Variants in TFEB observed in about 807,000 individuals in gnomAD.
The protein encoded by TFEB is transcription factor EB.
In TFEB, 12 loss-of-function variants were observed where a neutral mutation model predicts 48.0. That is an observed-to-expected ratio of 0.25 (90% CI 0.16 to 0.40). The LOEUF (loss-of-function observed/expected upper bound fraction) is 0.40, where lower values mean the gene tolerates loss of function less well. Ranked by LOEUF, TFEB falls within the 10% of genes least tolerant of loss-of-function variation. The probability of loss-of-function intolerance (pLI) is 1.00; values close to 1 mark genes in which losing one functional copy is unlikely to be tolerated. For missense variants in TFEB, 509 were observed against 640.3 expected (o/e 0.79, Z 2.21); for synonymous variants, 244 against 261.4 (o/e 0.93, Z 0.64).
At chr6:41,687,652 A>G (rs1769079130) in intron 6 of TFEB, 101 bp downstream of exon 6, 1 of 1,470,052 alleles carries the variant, frequency 6.8e-7, no homozygotes, top group African/African-American at 1.4e-5. Flanking sequence ...GGCCTTGAGC[A>G]GGGAAGCCTT....
In TFEB at chr6:41,690,754, C is replaced by A; in HGVS notation, c.377G>T (p.Arg126Leu). ...GGAGGAGGACAGCACGTGTCCAGCT[C>A]GCACCCCTGGGGAGGCGGCTGGTGG... ...KPPPAASPGV[R>L]AGHVLSSSAG... Residue 126 changes from arginine (R) to leucine (L), a missense_variant, in exon 3 of 9, where the codon CGA becomes CTA. Around this residue, in one of 4 missense-constraint regions of TFEB, gnomAD observed 251 missense variants for 317.2 expected, o/e 0.79. Coordinates refer to ENST00000373033, the MANE Select transcript of TFEB (RefSeq NM_001271944.2). The A allele has an allele frequency of 6.2e-7, 1 of 1,606,676 alleles. No homozygotes were observed. Among genetic ancestry groups the A allele is most frequent in the Non-Finnish European group, 8.5e-7 (1 of 1,175,444 alleles).
chr6:41,690,974 T>C (rs1348180832), intron 2 of TFEB, 27 bp downstream of exon 2: 1 of 1,526,066 alleles, frequency 6.6e-7, no homozygotes, highest in African/African-American at 1.5e-5. Context: ...GGGGACAGGG[T>C]GGGGGGCAGG....
In TFEB at chr6:41,702,257, C is replaced by T. The variant is rs530552834; in HGVS notation, c.-22-11022G>A. ...GATGCTTTTTGCTAAATAGCCAAGA[C>T]ATCCATGCCCAGGAGGCTCAGAGGG... is the stretch of plus-strand genomic sequence containing the variant. On this transcript the variant is annotated intron_variant, in intron 1 of 8. Coordinates refer to ENST00000373033, the MANE Select transcript of TFEB (RefSeq NM_001271944.2). 2.0e-4 allele frequency among the ~76,000 whole-genome samples: 31 copies of T among 152,318 alleles called. No homozygotes were observed. In the East Asian group the frequency reaches 5.2e-3, roughly 26 times the overall value.
intron 1 of TFEB, among the ~76,000 whole-genome samples, chr6:41,711,285 C>T (rs1268388810): frequency 1.3e-5 from 2 of 152,234 alleles, no homozygotes; most frequent in Non-Finnish European, 2.9e-5. Context: ...TCCTTGAGGG[C>T]TGTCCCTTGG....
intron 4 of TFEB, among the ~76,000 whole-genome samples, chr6:41,688,908 T>G (rs905299751): frequency 6.6e-6 from 1 of 152,212 alleles, no homozygotes. Context: ...GAAAGGCTCA[T>G]GCCCAAAGGC....
At chr6:41,736,212 T>A, upstream of TFEB, 1 of 1,612,338 alleles carries the variant, frequency 6.2e-7, no homozygotes, top group Non-Finnish European at 8.5e-7. Flanking sequence ...CACCTTCCCT[T>A]GTTGGAAGTT....
chr6:41,696,396 G>A (rs1229241636), intron 1 of TFEB, among the ~76,000 whole-genome samples: 1 of 152,142 alleles, frequency 6.6e-6, no homozygotes, highest in Non-Finnish European at 1.5e-5. Context: ...AAGAAAGATA[G>A]ATAAAGAAGT....
At chr6:41,725,716 G>A (rs1002116861) in intron 1 of TFEB, among the ~76,000 whole-genome samples, 5 of 152,022 alleles carry the variant, frequency 3.3e-5, no homozygotes, top group South Asian at 2.1e-4. Context: ...TATATACCCC[G>A]ATGCATGAAT....
intron 4 of TFEB, chr6:41,688,320 T>G (rs1769123060): frequency 3.1e-6 from 1 of 327,074 alleles, no homozygotes; most frequent in Admixed American, 4.4e-5. Flanking sequence ...CTAGAGCAGG[T>G]CATCTAATCA....
Position 41,734,309 on chromosome 6 carries a change from T to C in TFEB, c.-23+1041A>G. The C allele has an allele frequency of 2.0e-6, 2 of 981,988 alleles. No individual in the cohort carries two copies. The highest frequency in any genetic ancestry group is 4.7e-5 in the South Asian group (1 of 21,202). The allele number at this position is 981,988 out of a possible 1,614,324, so 60.8% of individuals were successfully genotyped here. On this transcript the variant is annotated intron_variant, in intron 1 of 8. Coordinates refer to ENST00000373033, the MANE Select transcript of TFEB (RefSeq NM_001271944.2). The surrounding 1 kb of genome is among the most constrained non-coding windows in gnomAD (Gnocchi z 4.0). ...CCCCGCCCCGGGCTCCCTCCCTTCC[T>C]CACCCGGGGCGCGGGGCTGGGGCGC...
chr6:41,714,816 G>T (rs541200764), intron 1 of TFEB, among the ~76,000 whole-genome samples: 1 of 152,138 alleles, frequency 6.6e-6, no homozygotes. Context: ...AGCCCTCAGG[G>T]AATCCAGTGA....
Position 41,691,098 on chromosome 6 carries a change from T to C in TFEB, c.116A>G (p.Gln39Arg). ...CCCTCCGAGCTGCTGCTGTTGCTGC[T>C]GCTGCTGCTGCTGCATGTAATGCAT... is the stretch of plus-strand genomic sequence containing the variant. ...AVMHYMQQQQ[Q>R]QQQQQLGGPP... Residue 39 changes from glutamine (Q) to arginine (R), a missense_variant, in exon 2 of 9, where the codon CAG (glutamine) becomes CGG (arginine). By Grantham distance (43) the Gln-to-Arg change is conservative. Transcript: ENST00000373033. The surrounding 1 kb of genome is among the most constrained non-coding windows in gnomAD (Gnocchi z 5.2). The C allele has an allele frequency of 6.3e-7, 1 of 1,578,024 alleles. No individual in the cohort carries two copies. Among genetic ancestry groups the C allele is most frequent in the Middle Eastern group, 1.7e-4 (1 of 5,980 alleles).
intron 4 of TFEB, 63 bp downstream of exon 4, chr6:41,689,668 G>A: frequency 7.4e-7 from 1 of 1,348,584 alleles, no homozygotes; most frequent in Non-Finnish European, 1.1e-6. Flanking sequence ...CAGGCTCAGA[G>A]CCACAGTGGG....
At position 41,735,454 on chromosome 6, in the gene TFEB, G is replaced by C. The variant is rs1425884059; in HGVS notation, c.-127C>G. On this transcript the variant is annotated 5_prime_UTR_variant, in exon 1 of 9. Transcript: ENST00000373033. Reference sequence around the variant, plus strand: ...CAAGCTGTGCCCGCCACCTGCTCCCGGCCTGCTCCGGCCCCGTGCCACCAG... The same window carrying C: ...CAAGCTGTGCCCGCCACCTGCTCCCCGCCTGCTCCGGCCCCGTGCCACCAG... 3.0e-6 allele frequency: 3 copies of C among 984,588 alleles called. No homozygotes were observed. The highest frequency in any genetic ancestry group is 2.4e-6 in the Non-Finnish European group (2 of 829,762). 61.0% of individuals were successfully genotyped at this position (984,588 alleles called of 1,614,324 possible). A position where few individuals can be genotyped will look rare whatever the true frequency, so the allele number is the denominator to read the frequency against.
intron 1 of TFEB, among the ~76,000 whole-genome samples, chr6:41,717,038 C>T (rs755351967): frequency 6.6e-6 from 1 of 152,222 alleles, no homozygotes; most frequent in Non-Finnish European, 1.5e-5. Context: ...GAACTCCCTG[C>T]TCCAGGCAGA....
intron 1 of TFEB, chr6:41,733,856 C>A (rs780657041): frequency 2.0e-6 from 2 of 985,712 alleles, no homozygotes; most frequent in Non-Finnish European, 2.4e-6. Context: ...CCGCATCTGT[C>A]CACCCAGAAG....
At chr6:41,697,977 T>C (rs796194097) in intron 1 of TFEB, among the ~76,000 whole-genome samples, 16 of 152,330 alleles carry the variant, frequency 1.1e-4, no homozygotes, top group African/African-American at 3.4e-4. Flanking sequence ...TTTTGTGTGG[T>C]TTTAAAAGCC....
At chr6:41,719,461 A>G (rs1307161566) in intron 1 of TFEB, among the ~76,000 whole-genome samples, 1 of 152,112 alleles carries the variant, frequency 6.6e-6, no homozygotes, top group Non-Finnish European at 1.5e-5. Context: ...TACCACTTCT[A>G]TTTCACTGAA....
In TFEB at chr6:41,687,900, G is replaced by A; in HGVS notation, c.670+8C>T. On this transcript the variant is annotated splice_region_variant and intron_variant, in intron 5 of 8. Coordinates refer to ENST00000373033, the MANE Select transcript of TFEB (RefSeq NM_001271944.2). ...ATTCAAAGGCACAGGGGTAGAGGGA[G>A]GCAGTACCTGTGAGCTCTCGCTTCT... The A allele has an allele frequency of 6.2e-7, 1 of 1,613,126 alleles. No individual in the cohort carries two copies. The highest frequency in any genetic ancestry group is 8.5e-7 in the Non-Finnish European group (1 of 1,179,264).
Sources: gnomAD v4.1 joint callset for allele counts (sites outside exome capture counted in the v4.1 genomes callset) on GRCh38, gnomAD v4.1.1 for gene constraint, gnomAD v4.1.1 regional missense constraint, Gnocchi (gnomAD v3.1) non-coding constraint, MANE v1.5 for transcripts, NCBI Gene and HGNC (gene_info 2026-07-23, HGNC 2026-07-21) for gene names.